Variants in IGSF11 observed in about 807,000 individuals in gnomAD.
The protein encoded by IGSF11 is CXADR like 1.
Under a neutral mutation model 41.0 loss-of-function variants are expected in IGSF11, and 22 were observed. The observed-to-expected ratio is 0.54, with a 90% CI of 0.38 to 0.77. The LOEUF (loss-of-function observed/expected upper bound fraction) is 0.77, where lower values mean the gene tolerates loss of function less well. IGSF11 is among the 30% of genes least tolerant of loss of function. The probability of loss-of-function intolerance (pLI) is 0.00; values close to 1 mark genes in which losing one functional copy is unlikely to be tolerated. For missense variants in IGSF11, 444 were observed against 530.8 expected, an observed-to-expected ratio of 0.84 and a Z score of 1.61; for synonymous variants, 219 against 201.3, an observed-to-expected ratio of 1.09 and a Z score of -0.74.
intron 1 of IGSF11, among the ~76,000 whole-genome samples, chr3:118,993,037 G>A (rs1003796636): frequency 3.9e-5 from 6 of 152,106 alleles, no homozygotes; most frequent in African/African-American, 1.4e-4. Context: ...ACCAGCCTAG[G>A]GAAAATAGCA....
At chr3:119,040,274 T>C (rs1052207067) in intron 1 of IGSF11, among the ~76,000 whole-genome samples, 5 of 152,190 alleles carry the variant, frequency 3.3e-5, no homozygotes, top group African/African-American at 1.2e-4. Context: ...AAGACAGCTT[T>C]GACTCACTAT....
intron 1 of IGSF11, among the ~76,000 whole-genome samples, chr3:119,005,855 C>T (rs913206031): frequency 1.6e-5 from 2 of 125,744 alleles, no homozygotes; most frequent in African/African-American, 7.7e-5. Context: ...ATGGGCTTCC[C>T]TTTGAGGGTA....
chr3:118,959,356 G>A (rs1290037145), intron 1 of IGSF11, among the ~76,000 whole-genome samples: 4 of 152,188 alleles, frequency 2.6e-5, no homozygotes, highest in Non-Finnish European at 5.9e-5. Flanking sequence ...GGGAAAGACT[G>A]TGGACAGTTT....
At chr3:119,002,625 A>C (rs1461130106) in intron 1 of IGSF11, among the ~76,000 whole-genome samples, 3 of 142,350 alleles carry the variant, frequency 2.1e-5, no homozygotes, top group Non-Finnish European at 4.5e-5. Context: ...TTAAATCTTT[A>C]ATCCATCTTG....
intron 1 of IGSF11, among the ~76,000 whole-genome samples, chr3:119,128,712 T>C (rs2077437667): frequency 6.6e-6 from 1 of 152,186 alleles, no homozygotes; most frequent in Non-Finnish European, 1.5e-5. Flanking sequence ...ATTCTGAATA[T>C]ATAGGAGTGT....
chr3:119,067,991 C>A (rs112300347), intron 1 of IGSF11, among the ~76,000 whole-genome samples: 56 of 152,302 alleles, frequency 3.7e-4, no homozygotes, highest in African/African-American at 1.3e-3. Flanking sequence ...ATGTCAATAT[C>A]CCTAGTAGAT....
chr3:119,008,897 G>A (rs1269876599), intron 1 of IGSF11, among the ~76,000 whole-genome samples: 1 of 152,186 alleles, frequency 6.6e-6, no homozygotes, highest in Non-Finnish European at 1.5e-5. Flanking sequence ...CGAAAAGCAA[G>A]AGAGAATTCT....
intron 1 of IGSF11, among the ~76,000 whole-genome samples, chr3:119,047,093 G>A (rs1041956300): frequency 1.4e-5 from 2 of 146,896 alleles, no homozygotes; most frequent in Admixed American, 6.9e-5. Context: ...ATCAACTAAC[G>A]AGCAAAATCA....
chr3:119,070,653 T>C (rs2076384689), intron 1 of IGSF11, among the ~76,000 whole-genome samples: 1 of 152,156 alleles, frequency 6.6e-6, no homozygotes, highest in South Asian at 2.1e-4. Flanking sequence ...ATGTTTGCTT[T>C]GTTTTGGTTT....
At chr3:118,923,678 C>CA (rs1448226693) in intron 4 of IGSF11, among the ~76,000 whole-genome samples, 16 of 152,018 alleles carry the variant, frequency 1.1e-4, no homozygotes, top group African/African-American at 3.4e-4. Context: ...GGTCTGATTG[C>CA]AAAAAATAAA....
intron 1 of IGSF11, among the ~76,000 whole-genome samples, chr3:118,995,585 T>C (rs1936186294): frequency 6.6e-6 from 1 of 152,160 alleles, no homozygotes; most frequent in Non-Finnish European, 1.5e-5. Flanking sequence ...CAAGACTGAC[T>C]AGATGTAGCA....
At chr3:118,985,639 C>T (rs567840455) in intron 1 of IGSF11, among the ~76,000 whole-genome samples, 4 of 152,304 alleles carry the variant, frequency 2.6e-5, no homozygotes, top group African/African-American at 9.6e-5. Flanking sequence ...ATATACCCAA[C>T]AAAAGAACCT....
intron 4 of IGSF11, among the ~76,000 whole-genome samples, chr3:118,907,422 T>C (rs1939745814): frequency 6.6e-6 from 1 of 151,972 alleles, no homozygotes; most frequent in African/African-American, 2.4e-5. Context: ...TTACAATATA[T>C]GGAATAAGTG....
At chr3:119,000,481 C>T (rs556022969) in intron 1 of IGSF11, among the ~76,000 whole-genome samples, 1 of 151,816 alleles carries the variant, frequency 6.6e-6, no homozygotes, top group East Asian at 1.9e-4. Context: ...GCAACTCTGT[C>T]CTTCCAGTTG....
At chr3:119,047,690 A>G (rs1338543651) in intron 1 of IGSF11, among the ~76,000 whole-genome samples, 1 of 152,172 alleles carries the variant, frequency 6.6e-6, no homozygotes, top group African/African-American at 2.4e-5. Flanking sequence ...TCAACAGAAT[A>G]TACATTTTTT....
chr3:118,937,790 T>C (rs1352116475), intron 1 of IGSF11, among the ~76,000 whole-genome samples: 1 of 152,210 alleles, frequency 6.6e-6, no homozygotes, highest in Non-Finnish European at 1.5e-5. Flanking sequence ...ACACAGTCTA[T>C]GTAACATGTA....
chr3:119,020,184 G>A (rs1256919914), intron 1 of IGSF11, among the ~76,000 whole-genome samples: 3 of 152,118 alleles, frequency 2.0e-5, no homozygotes, highest in Non-Finnish European at 4.4e-5. Context: ...CCAAACAGAG[G>A]AAGATGCTGA....
intron 1 of IGSF11, among the ~76,000 whole-genome samples, chr3:118,991,267 G>A (rs540215732): frequency 1.0e-3 from 158 of 152,246 alleles, no homozygotes; most frequent in African/African-American, 3.6e-3. Flanking sequence ...ACACATACAG[G>A]GAACACCACT....
intron 4 of IGSF11, among the ~76,000 whole-genome samples, chr3:118,918,374 A>G (rs1432401877): frequency 3.0e-5 from 2 of 66,566 alleles, no homozygotes; most frequent in Non-Finnish European, 5.4e-5. Context: ...GTCTCAGCCC[A>G]AAATCTCCTT....
Sources: allele counts gnomAD v4.1 joint callset (sites outside exome capture counted in the v4.1 genomes callset), GRCh38; gene constraint gnomAD v4.1.1; transcripts MANE v1.5; gene names NCBI Gene and HGNC (gene_info 2026-07-23, HGNC 2026-07-21).